The following MTUS2 variants were observed in gnomAD, a reference collection of about 807,000 sequenced individuals.
MTUS2 encodes microtubule associated scaffold protein 2, also known as microtubule-associated tumor suppressor candidate 2.
Under a neutral mutation model 114.1 loss-of-function variants are expected in MTUS2, and 40 were observed. The ratio of observed to expected loss-of-function variants is 0.35; its 90% CI spans 0.27 to 0.46. MTUS2 has a LOEUF of 0.46. MTUS2 is among the 20% of genes least tolerant of loss of function. The pLI is 1.00. For synonymous variants in MTUS2, 688 were observed against 672.0 expected (o/e 1.02, Z -0.37); for missense variants, 1,679 against 1,705.4 (o/e 0.98, Z 0.27).
intron 7 of MTUS2, among the ~76,000 whole-genome samples, chr13:29,330,894 A>G (rs1391076312): frequency 6.6e-6 from 1 of 151,848 alleles, no homozygotes; most frequent in African/African-American, 2.4e-5. Flanking sequence ...GTTCTTTTTG[A>G]TTAGGATAAT....
intron 2 of MTUS2, among the ~76,000 whole-genome samples, chr13:28,920,342 T>C (rs1303235951): frequency 1.3e-5 from 2 of 152,248 alleles, no homozygotes. Flanking sequence ...TGGTGGTCTT[T>C]GATAAAATCG....
chr13:29,024,644 G>A lies in MTUS2; in HGVS notation c.-55G>A, dbSNP rs1186459721. 3 of 1,576,752 alleles carry A rather than the reference G, an allele frequency of 1.9e-6. No homozygotes were observed. The highest frequency in any genetic ancestry group is 2.6e-6 in the Non-Finnish European group (3 of 1,163,360). ...TTAATCTGATTGCAGCTTGAAGGCA[G>A]CCCATTTCCATTAAGTAGGACTGCA... On this transcript the variant is annotated 5_prime_UTR_variant, in exon 3 of 16. Coordinates refer to ENST00000612955, the MANE Select transcript of MTUS2 (RefSeq NM_001033602.4).
chr13:29,305,282 A>G (rs1899392952), intron 6 of MTUS2, among the ~76,000 whole-genome samples: 1 of 152,190 alleles, frequency 6.6e-6, no homozygotes, highest in Admixed American at 6.5e-5. Context: ...GGAATAACCA[A>G]GATCAGAGCA....
rs550716637 is a variant in MTUS2 at position 29,222,476 on chromosome 13, G to T, written c.2645-59228G>T. On this transcript the variant is annotated intron_variant, in intron 5 of 15. Coordinates refer to ENST00000612955, the MANE Select transcript of MTUS2 (RefSeq NM_001033602.4). ...TTCTTCGAGTTAATAGAATAATTTT[G>T]GGATAACTGATATTTATGATCTTTT... Among the ~76,000 whole-genome samples, 3 of 152,312 alleles carry T rather than the reference G, an allele frequency of 2.0e-5. No homozygotes were observed. The East Asian group carries it at 5.8e-4, about 29-fold the overall frequency.
chr13:29,402,077 C>T (rs987302395), intron 8 of MTUS2, among the ~76,000 whole-genome samples: 5 of 152,000 alleles, frequency 3.3e-5, no homozygotes, highest in African/African-American at 1.2e-4. Flanking sequence ...CATATTCATA[C>T]TTTTTTCATA....
chr13:28,838,438 A>G (rs920363998), intron 1 of MTUS2, among the ~76,000 whole-genome samples: 2 of 152,176 alleles, frequency 1.3e-5, no homozygotes, highest in Non-Finnish European at 2.9e-5. Flanking sequence ...ATGGGTTACT[A>G]CATTTATTAC....
intron 5 of MTUS2, among the ~76,000 whole-genome samples, chr13:29,264,418 G>A (rs953110148): frequency 5.9e-5 from 9 of 152,210 alleles, no homozygotes; most frequent in African/African-American, 1.4e-4. Context: ...GGAGGATGGC[G>A]GCCCCCTTCC....
chr13:28,999,891 G>A (rs1885305314), intron 2 of MTUS2, among the ~76,000 whole-genome samples: 3 of 152,066 alleles, frequency 2.0e-5, no homozygotes, highest in Admixed American at 2.0e-4. Context: ...TATGTGTTTG[G>A]CTTACTTCAC....
intron 5 of MTUS2, among the ~76,000 whole-genome samples, chr13:29,114,951 AC>A (rs913331142): frequency 6.6e-6 from 1 of 152,372 alleles, no homozygotes; most frequent in South Asian, 2.1e-4. Flanking sequence ...TACACATCTT[AC>A]CCCCATGAAT....
At chr13:29,177,164 G>A (rs752336282) in intron 5 of MTUS2, among the ~76,000 whole-genome samples, 2 of 150,918 alleles carry the variant, frequency 1.3e-5, no homozygotes, top group African/African-American at 2.5e-5. Context: ...TTACATTTGC[G>A]ATATCTAATA....
chr13:29,165,745 G>A (rs1382680785), intron 5 of MTUS2, among the ~76,000 whole-genome samples: 1 of 152,158 alleles, frequency 6.6e-6, no homozygotes, highest in East Asian at 1.9e-4. Flanking sequence ...CATGTCCACT[G>A]TGTTCTGAGT....
Position 29,319,293 on chromosome 13 carries a change from G to A in MTUS2, c.2807-5320G>A, listed in dbSNP as rs187931869. Among the ~76,000 whole-genome samples the A allele has an allele frequency of 6.6e-5, 10 of 152,276 alleles. No individual in the cohort carries two copies. In the East Asian group the frequency reaches 1.5e-3, roughly 24 times the overall value. On this transcript the variant is annotated intron_variant, in intron 6 of 15. Coordinates refer to ENST00000612955, the MANE Select transcript of MTUS2 (RefSeq NM_001033602.4). ...TGGGCTCACAGAACTGAGAGGTTCC[G>A]GAGGTCATGGTGACGTGAGGCACGA...
chr13:29,146,909 T>C (rs1447087168), intron 5 of MTUS2, among the ~76,000 whole-genome samples: 2 of 152,180 alleles, frequency 1.3e-5, no homozygotes, highest in Non-Finnish European at 2.9e-5. Flanking sequence ...ACATGTTTGT[T>C]GCATGAATGA....
chr13:29,232,965 G>A (rs1288262764), intron 5 of MTUS2, among the ~76,000 whole-genome samples: 1 of 152,130 alleles, frequency 6.6e-6, no homozygotes, highest in Non-Finnish European at 1.5e-5. Flanking sequence ...GTTCCTAAAT[G>A]TTCAGAGTCT....
At chr13:29,265,394 C>T (rs1440884190) in intron 5 of MTUS2, among the ~76,000 whole-genome samples, 1 of 152,212 alleles carries the variant, frequency 6.6e-6, no homozygotes, top group South Asian at 2.1e-4. Context: ...CCCTCGTCTT[C>T]CAGTCTTCTT....
chr13:29,231,274 A>T (rs1175490003), intron 5 of MTUS2, among the ~76,000 whole-genome samples: 1 of 152,238 alleles, frequency 6.6e-6, no homozygotes, highest in South Asian at 2.1e-4. Context: ...AAAATTTTAG[A>T]TATTCTTATT....
At chr13:29,333,837 T>A (rs1254158398) in intron 7 of MTUS2, among the ~76,000 whole-genome samples, 1 of 152,132 alleles carries the variant, frequency 6.6e-6, no homozygotes. Flanking sequence ...TTTTTGTAGG[T>A]CTCTAAGAAC....
rs1874283382 is a variant in MTUS2, at chr13:29,400,893, T to C, written c.3118-39090T>C. Among the ~76,000 whole-genome samples the C allele has an allele frequency of 2.6e-5, 4 of 152,256 alleles. 1 individual carries two copies. The South Asian group carries it at 8.3e-4, about 31-fold the overall frequency. On this transcript the variant is annotated intron_variant, in intron 8 of 15. Coordinates refer to ENST00000612955, the MANE Select transcript of MTUS2 (RefSeq NM_001033602.4). ...TTCCCATCCCCTGCTCATTCTTTCC[T>C]CCTCAGATTGTTCATCTTTTGCATA... is the stretch of plus-strand genomic sequence containing the variant.
intron 6 of MTUS2, among the ~76,000 whole-genome samples, chr13:29,311,909 A>G (rs367860353): frequency 8.5e-5 from 13 of 152,202 alleles, no homozygotes; most frequent in African/African-American, 2.9e-4. Flanking sequence ...GCCTTGGTCT[A>G]GTGAAGTGGG....
Sources: gnomAD v4.1 joint callset for allele counts (sites outside exome capture counted in the v4.1 genomes callset) on GRCh38, gnomAD v4.1.1 for gene constraint, MANE v1.5 for transcripts, NCBI Gene and HGNC (gene_info 2026-07-23, HGNC 2026-07-21) for gene names.